Variants in ACSS3 observed in about 807,000 individuals in gnomAD.
ACSS3 encodes the protein acyl-CoA synthetase short-chain family member 3, mitochondrial.
ACSS3 carries 64 observed loss-of-function variants against 84.2 expected under a neutral mutation model. The observed-to-expected ratio is 0.76, with a 90% CI of 0.62 to 0.94. ACSS3 has a LOEUF of 0.94. Among genes scored for constraint, ACSS3 ranks in the 40% least tolerant of loss-of-function variants. ACSS3 has a pLI of 0.00. For synonymous variants in ACSS3, 317 were observed against 310.1 expected, an observed-to-expected ratio of 1.02 and a Z score of -0.23; for missense variants, 815 against 867.6, an observed-to-expected ratio of 0.94 and a Z score of 0.76.
chr12:81,234,207 G>C (rs2033556486), intron 13 of ACSS3, among the ~76,000 whole-genome samples: 1 of 151,258 alleles, frequency 6.6e-6, no homozygotes, highest in Non-Finnish European at 1.5e-5. Context: ...ATTCTTCCAA[G>C]TTGTTGCATT....
intron 1 of ACSS3, among the ~76,000 whole-genome samples, chr12:81,093,655 G>A (rs1286992983): frequency 2.0e-5 from 3 of 151,296 alleles, no homozygotes; most frequent in Admixed American, 6.6e-5. Flanking sequence ...CAAAAATAAT[G>A]CAAAGAGTTC....
intron 11 of ACSS3, 133 bp from the exon 12 acceptor site, chr12:81,230,924 C>A: frequency 2.8e-6 from 2 of 710,398 alleles, no homozygotes; most frequent in East Asian, 2.7e-5. Flanking sequence ...ATCTGTCCAG[C>A]AGATTTAGGG....
At chr12:81,213,948 TCCC>T (rs1565724193) in intron 9 of ACSS3, among the ~76,000 whole-genome samples, 20 of 48,114 alleles carry the variant, frequency 4.2e-4, no homozygotes, top group Non-Finnish European at 8.2e-4. Context: ...TCTCTCTCTC[TCCC>T]TCTCTCTCTT....
intron 7 of ACSS3, among the ~76,000 whole-genome samples, chr12:81,158,139 T>C (rs1886974050): frequency 6.6e-6 from 1 of 152,146 alleles, no homozygotes; most frequent in Non-Finnish European, 1.5e-5. Flanking sequence ...ATCAATATTC[T>C]GATTGTGATA....
intron 1 of ACSS3, among the ~76,000 whole-genome samples, chr12:81,107,511 C>CACACACACACAT (rs1403415163): frequency 2.6e-5 from 1 of 38,828 alleles, no homozygotes; most frequent in African/African-American, 8.5e-5. Context: ...CAAATATATA[C>CACACACACACAT]ATATATATAT....
At chr12:81,084,822 AT>A (rs1271069656) in intron 1 of ACSS3, among the ~76,000 whole-genome samples, 2 of 152,230 alleles carry the variant, frequency 1.3e-5, no homozygotes, top group Admixed American at 6.5e-5. Flanking sequence ...AATCAAAAAA[AT>A]ATCTGCTGTG....
intron 5 of ACSS3, 114 bp downstream of exon 5, chr12:81,143,361 C>T (rs1283863462): frequency 3.3e-5 from 39 of 1,165,262 alleles, no homozygotes; most frequent in Non-Finnish European, 4.5e-5. Context: ...TAGAGAGTTA[C>T]TTCATTTGCT....
chr12:81,082,931 G>A (rs755070897), intron 1 of ACSS3, among the ~76,000 whole-genome samples: 1 of 152,126 alleles, frequency 6.6e-6, no homozygotes, highest in Admixed American at 6.6e-5. Context: ...GATTATCTTT[G>A]GAATATGAAA....
chr12:81,138,436 A>G (rs1885921265), intron 3 of ACSS3, among the ~76,000 whole-genome samples: 1 of 152,204 alleles, frequency 6.6e-6, no homozygotes, highest in African/African-American at 2.4e-5. Flanking sequence ...CTGAAAAGAG[A>G]GGTTAACATA....
At chr12:81,124,279 G>C (rs1429270948) in intron 2 of ACSS3, 1 of 152,156 alleles carries the variant, frequency 6.6e-6, no homozygotes, top group Non-Finnish European at 1.5e-5. Flanking sequence ...TTGGCCTCAT[G>C]AAATACTAGT....
At chr12:81,148,744 T>C (rs939919716) in intron 5 of ACSS3, among the ~76,000 whole-genome samples, 1 of 151,838 alleles carries the variant, frequency 6.6e-6, no homozygotes, top group Non-Finnish European at 1.5e-5. Context: ...CTAGTGACTT[T>C]ACTTTTAAGG....
At chr12:81,186,657 G>A (rs2031273462) in intron 8 of ACSS3, among the ~76,000 whole-genome samples, 1 of 151,596 alleles carries the variant, frequency 6.6e-6, no homozygotes, top group African/African-American at 2.4e-5. Context: ...AACCACTATG[G>A]GATATCACCT....
intron 1 of ACSS3, among the ~76,000 whole-genome samples, chr12:81,099,710 AAAG>A (rs1882350925): frequency 6.6e-6 from 1 of 151,348 alleles, no homozygotes; most frequent in Non-Finnish European, 1.5e-5. Context: ...ATTCACTCTG[AAAG>A]AAGACTTTTT....
intron 2 of ACSS3, among the ~76,000 whole-genome samples, chr12:81,113,311 C>T (rs947582496): frequency 5.9e-5 from 9 of 152,058 alleles, no homozygotes; most frequent in South Asian, 2.1e-4. Flanking sequence ...GCCTACCCTC[C>T]GCTAGAAATA....
intron 13 of ACSS3, among the ~76,000 whole-genome samples, chr12:81,242,333 C>T (rs1284772361): frequency 6.6e-6 from 1 of 152,038 alleles, no homozygotes; most frequent in East Asian, 1.9e-4. Context: ...CTGAATAGAC[C>T]AATAACAGGA....
At chr12:81,218,502 A>G (rs1251262133) in intron 10 of ACSS3, among the ~76,000 whole-genome samples, 2 of 152,202 alleles carry the variant, frequency 1.3e-5, no homozygotes, top group Non-Finnish European at 2.9e-5. Flanking sequence ...TAGCAGATAC[A>G]TTTATAAAAA....
At chr12:81,241,986 T>G (rs200013757) in intron 13 of ACSS3, among the ~76,000 whole-genome samples, 1 of 151,676 alleles carries the variant, frequency 6.6e-6, no homozygotes, top group Non-Finnish European at 1.5e-5. Context: ...CGTTTAAGTC[T>G]TTAATCCATC....
intron 13 of ACSS3, among the ~76,000 whole-genome samples, chr12:81,247,893 T>G (rs944982401): frequency 6.6e-6 from 1 of 152,086 alleles, no homozygotes; most frequent in African/African-American, 2.4e-5. Context: ...GAATAGGAAT[T>G]GAGGTCTTAA....
chr12:81,195,109 T>C (rs1047636712), intron 8 of ACSS3, among the ~76,000 whole-genome samples: 1 of 152,060 alleles, frequency 6.6e-6, no homozygotes, highest in African/African-American at 2.4e-5. Flanking sequence ...TATTAAGACC[T>C]GTAGAATTAT....
Sources: allele counts gnomAD v4.1 joint callset (sites outside exome capture counted in the v4.1 genomes callset), GRCh38; gene constraint gnomAD v4.1.1; transcripts MANE v1.5; gene names NCBI Gene and HGNC (gene_info 2026-07-23, HGNC 2026-07-21).